HSD17B11: variants seen among roughly 807,000 people sequenced by gnomAD.
HSD17B11 encodes the protein estradiol 17-beta-dehydrogenase 11.
In HSD17B11, 22 loss-of-function variants were observed where a neutral mutation model predicts 27.8. The ratio of observed to expected loss-of-function variants is 0.79; its 90% CI spans 0.56 to 1.13. HSD17B11 has a LOEUF of 1.13. Ranked by LOEUF, HSD17B11 falls within the 50% of genes most tolerant of loss-of-function variation. The pLI is 0.00. For missense variants in HSD17B11, 314 were observed against 351.1 expected, an observed-to-expected ratio of 0.89 and a Z score of 0.84; for synonymous variants, 117 against 132.8, an observed-to-expected ratio of 0.88 and a Z score of 0.82.
intron 5 of HSD17B11, among the ~76,000 whole-genome samples, chr4:87,354,279 A>G (rs534970216): frequency 1.3e-5 from 2 of 152,148 alleles, no homozygotes; most frequent in Non-Finnish European, 2.9e-5. Flanking sequence ...AGCCTGACCA[A>G]TATGATGAAA....
chr4:87,361,691 C>T (rs560378942), intron 4 of HSD17B11, among the ~76,000 whole-genome samples: 13 of 152,126 alleles, frequency 8.5e-5, no homozygotes, highest in East Asian at 1.9e-4. Context: ...GGCGTGAACC[C>T]GGGAGGCGGA....
intron 5 of HSD17B11, among the ~76,000 whole-genome samples, chr4:87,355,872 C>A (rs1267756553): frequency 1.4e-5 from 2 of 146,832 alleles, no homozygotes; most frequent in Non-Finnish European, 1.5e-5. Flanking sequence ...CCACTGCACT[C>A]CAGCCTGGGC....
chr4:87,352,980 C>T lies in HSD17B11; in HGVS notation c.695+4299G>A, dbSNP rs62305752. Reference sequence around the variant, plus strand: ...GGCAATGCCTCGCCCTGCTTCGGCTCGCGCACGGTGCGCACACACACTGGC... The same window carrying T: ...GGCAATGCCTCGCCCTGCTTCGGCTTGCGCACGGTGCGCACACACACTGGC... On this transcript the variant is annotated intron_variant, in intron 5 of 6. Transcript: ENST00000358290. Among the ~76,000 whole-genome samples the T allele has an allele frequency of 4.9e-5, 5 of 102,710 alleles. No individual in the cohort carries two copies. In the East Asian group the frequency reaches 8.7e-4, roughly 18 times the overall value. The allele number at this position is 102,710 out of a possible 152,430, so 67.4% of individuals were successfully genotyped here.
intron 4 of HSD17B11, among the ~76,000 whole-genome samples, chr4:87,371,552 T>G (rs1454457630): frequency 6.6e-6 from 1 of 152,208 alleles, no homozygotes; most frequent in African/African-American, 2.4e-5. Context: ...GCTGCACACT[T>G]ACGACTTCTT....
chr4:87,376,020 A>G (rs571975092), intron 2 of HSD17B11, among the ~76,000 whole-genome samples: 1 of 152,312 alleles, frequency 6.6e-6, no homozygotes, highest in African/African-American at 2.4e-5. Context: ...AGATACTAAT[A>G]CAAGTTCCTT....
chr4:87,376,517 A>C lies in HSD17B11; in HGVS notation c.319-1687T>G, dbSNP rs567620604. ...AGATTTCATCTCAAAAAAAAAAAAAAAAAAACCCAAAAAACAAACAAAAAA... is the reference window on the plus strand; with the variant it reads ...AGATTTCATCTCAAAAAAAAAAAAACAAAAACCCAAAAAACAAACAAAAAA... On this transcript the variant is annotated intron_variant, in intron 2 of 6. Coordinates refer to ENST00000358290, the MANE Select transcript of HSD17B11 (RefSeq NM_016245.5). Among the ~76,000 whole-genome samples, 9 of 148,338 alleles carry C rather than the reference A, an allele frequency of 6.1e-5. No individual in the cohort carries two copies. In the East Asian group the frequency reaches 1.2e-3, roughly 19 times the overall value.
At chr4:87,342,477 C>T (rs940568831) in intron 5 of HSD17B11, among the ~76,000 whole-genome samples, 6 of 150,458 alleles carry the variant, frequency 4.0e-5, no homozygotes, top group African/African-American at 9.8e-5. Flanking sequence ...GAGGGTTAGG[C>T]GGGAGGATCA....
intron 4 of HSD17B11, among the ~76,000 whole-genome samples, chr4:87,363,733 A>G (rs1212263071): frequency 1.3e-5 from 2 of 152,246 alleles, no homozygotes; most frequent in Non-Finnish European, 2.9e-5. Flanking sequence ...CTGAGAAAAG[A>G]AATAGACACT....
chr4:87,388,094 C>T (rs181121084), intron 1 of HSD17B11, among the ~76,000 whole-genome samples: 90 of 150,914 alleles, frequency 6.0e-4, no homozygotes, highest in Non-Finnish European at 1.0e-3. Context: ...CTTTAAATCT[C>T]TACACCGGTA....
chr4:87,342,478 G>A (rs368423249), intron 5 of HSD17B11, among the ~76,000 whole-genome samples: 3 of 151,896 alleles, frequency 2.0e-5, no homozygotes, highest in African/African-American at 7.3e-5. Flanking sequence ...AGGGTTAGGC[G>A]GGAGGATCAC....
intron 5 of HSD17B11, 143 bp downstream of exon 5, chr4:87,357,136 C>T: frequency 2.2e-6 from 2 of 921,418 alleles, no homozygotes; most frequent in Non-Finnish European, 1.6e-6. Flanking sequence ...CCTGTTTTCC[C>T]ACAATCTGCA....
chr4:87,385,209 T>TA (rs1346564916), intron 1 of HSD17B11, among the ~76,000 whole-genome samples: 1 of 152,212 alleles, frequency 6.6e-6, no homozygotes. Flanking sequence ...CTTTTACAAG[T>TA]ATATTAATGT....
chr4:87,371,196 T>C (rs1204743647), intron 4 of HSD17B11, among the ~76,000 whole-genome samples: 1 of 152,190 alleles, frequency 6.6e-6, no homozygotes, highest in Non-Finnish European at 1.5e-5. Context: ...ATAATATTTT[T>C]ACTGGAAACA....
At chr4:87,388,034 C>T (rs1293432287) in intron 1 of HSD17B11, among the ~76,000 whole-genome samples, 1 of 152,060 alleles carries the variant, frequency 6.6e-6, no homozygotes, top group Non-Finnish European at 1.5e-5. Flanking sequence ...ATTGACTCCC[C>T]AGAGTAAAAA....
intron 5 of HSD17B11, 44 bp from the exon 6 acceptor site, chr4:87,340,650 G>C: frequency 7.5e-7 from 1 of 1,329,092 alleles, no homozygotes; most frequent in Non-Finnish European, 1.1e-6. Flanking sequence ...CTTCACCGAG[G>C]CTTCAGCTTT....
Position 87,382,874 on chromosome 4 carries a change from A to G in HSD17B11, c.211-512T>C, listed in dbSNP as rs1031238594. ...CAAATATGAATGAGGTAGAGTCCCGACCCCAAGAAGTTCTCTGTGTAGTAG... is the reference window on the plus strand; with the variant it reads ...CAAATATGAATGAGGTAGAGTCCCGGCCCCAAGAAGTTCTCTGTGTAGTAG... On this transcript the variant is annotated intron_variant, in intron 1 of 6. Coordinates refer to ENST00000358290, the MANE Select transcript of HSD17B11 (RefSeq NM_016245.5). Among the ~76,000 whole-genome samples, 5 of 152,314 alleles carry G rather than the reference A, an allele frequency of 3.3e-5. No homozygotes were observed. In the East Asian group the frequency reaches 5.8e-4, roughly 18 times the overall value.
intron 4 of HSD17B11, among the ~76,000 whole-genome samples, chr4:87,357,949 A>AT (rs57139706): frequency 0.08 from 6,367 of 79,508 alleles, 1,255 homozygotes; most frequent in African/African-American, 0.12. Context: ...CATTAGAGAA[A>AT]TTTTTTTTTT....
rs1246190224 is a variant in HSD17B11 at position 87,364,227 on chromosome 4, C to T, written c.558-6811G>A. 1.0e-4 allele frequency among the ~76,000 whole-genome samples: 14 copies of T among 139,790 alleles called. No homozygotes were observed. The East Asian group carries it at 2.9e-3, about 29-fold the overall frequency. 91.7% of individuals were successfully genotyped at this position (139,790 alleles called of 152,430 possible). ...GTAGATAACTTCTGGTAGCTTGGGACTACTTGGGAAAAACAAAGGCAGCAC... is the reference window on the plus strand; with the variant it reads ...GTAGATAACTTCTGGTAGCTTGGGATTACTTGGGAAAAACAAAGGCAGCAC... On this transcript the variant is annotated intron_variant, in intron 4 of 6. Coordinates refer to ENST00000358290, the MANE Select transcript of HSD17B11 (RefSeq NM_016245.5).
At chr4:87,365,431 A>G (rs1425243532) in intron 4 of HSD17B11, among the ~76,000 whole-genome samples, 1 of 152,240 alleles carries the variant, frequency 6.6e-6, no homozygotes, top group African/African-American at 2.4e-5. Flanking sequence ...GTCAGATATC[A>G]GATTTGCTAA....
Sources: allele counts gnomAD v4.1 joint callset (sites outside exome capture counted in the v4.1 genomes callset), GRCh38; gene constraint gnomAD v4.1.1; transcripts MANE v1.5; gene names NCBI Gene and HGNC (gene_info 2026-07-23, HGNC 2026-07-21).